Variants in JAKMIP1 observed in about 807,000 individuals in gnomAD.
JAKMIP1 encodes the protein janus kinase and microtubule-interacting protein 1.
Under a neutral mutation model 113.0 loss-of-function variants are expected in JAKMIP1, and 33 were observed. The observed-to-expected ratio is 0.29, with a 90% CI of 0.22 to 0.39. The LOEUF (loss-of-function observed/expected upper bound fraction) is 0.39. Among genes scored for constraint, JAKMIP1 ranks in the 10% least tolerant of loss-of-function variants. The pLI, the probability that JAKMIP1 is intolerant of heterozygous loss-of-function variation, is 1.00. For missense variants in JAKMIP1, 813 were observed against 1,080.5 expected, an observed-to-expected ratio of 0.75 and a Z score of 3.47; for synonymous variants, 480 against 459.9, an observed-to-expected ratio of 1.04 and a Z score of -0.56.
At chr4:6,058,773 T>A (rs71599872) in intron 11 of JAKMIP1, among the ~76,000 whole-genome samples, 37,260 of 152,216 alleles carry the variant, frequency 0.24, 6,272 homozygotes, top group African/African-American at 0.48. Context: ...TTTGTCTGAA[T>A]GCTAATTTTT....
rs1722421034 is a variant in JAKMIP1, at chr4:6,157,711, G to A, written c.-148+42542C>T. ...CTGTTTAAACTGGTGCCAGTTGTCT[G>A]TGGTTTCACATTCACTGAGCAGGTT... On this transcript the variant is annotated intron_variant, in intron 1 of 20. Coordinates refer to ENST00000409021, the MANE Select transcript of JAKMIP1 (RefSeq NM_001099433.2). This position sits in a 1 kb window ranked among gnomAD's most constrained non-coding sequence, Gnocchi z 4.7. Among the ~76,000 whole-genome samples the A allele has an allele frequency of 6.6e-6, 1 of 152,148 alleles. No homozygotes were observed. Among genetic ancestry groups the A allele is most frequent in the East Asian group, 1.9e-4 (1 of 5,190 alleles).
Position 6,042,214 on chromosome 4 carries a change from A to C in JAKMIP1, c.2042T>G (p.Ile681Arg). 6.2e-7 allele frequency: 1 copy of C among 1,613,576 alleles called. No homozygotes were observed. Among genetic ancestry groups the C allele is most frequent in the Non-Finnish European group, 8.5e-7 (1 of 1,179,792 alleles). The change falls in exon 17 of 21, where the codon ATA (isoleucine) becomes AGA (arginine). Residue 681 changes from isoleucine (I) to arginine (R), a missense_variant. Physicochemically the swap from Ile to Arg is moderately conservative, Grantham distance 97. This residue lies in a region of JAKMIP1 where 273 missense variants were observed against 426.6 expected (regional missense o/e 0.64). Coordinates refer to ENST00000409021, the MANE Select transcript of JAKMIP1 (RefSeq NM_001099433.2). This position sits in a 1 kb window ranked among gnomAD's most constrained non-coding sequence, Gnocchi z 5.2. The part of the protein sequence containing the change: ...LALCEKWLKQ[I>R]EGTEAALTQK... ...GGTCAGGGCGGCCTCGGTCCCCTCT[A>C]TTTGCTTCAGCCACTAGAAAACAGC...
intron 1 of JAKMIP1, among the ~76,000 whole-genome samples, chr4:6,161,484 T>G (rs1578423650): frequency 6.7e-6 from 1 of 148,910 alleles, no homozygotes; most frequent in African/African-American, 2.5e-5. Flanking sequence ...AACGGGGAGG[T>G]CCCCAAAGAC....
Position 6,080,422 on chromosome 4 carries a change from G to A in JAKMIP1, c.1102-110C>T. On this transcript the variant is annotated intron_variant, in intron 6 of 20. Coordinates refer to ENST00000409021, the MANE Select transcript of JAKMIP1 (RefSeq NM_001099433.2). This position sits in a 1 kb window ranked among gnomAD's most constrained non-coding sequence, Gnocchi z 6.0. ...GCAGGGACAGAAGGATGGATGGGAG[G>A]ATGAAAGAGATGATGGCCTGATATG... 1 of 1,259,332 alleles carries A rather than the reference G, an allele frequency of 7.9e-7. No homozygotes were observed. The highest frequency in any genetic ancestry group is 1.1e-6 in the Non-Finnish European group (1 of 908,254). The allele number at this position is 1,259,332 out of a possible 1,614,324, so 78.0% of individuals were successfully genotyped here. A position where few individuals can be genotyped will look rare whatever the true frequency, so the allele number is the denominator to read the frequency against.
rs1227033467 is a variant in JAKMIP1 at position 6,200,542 on chromosome 4, G to A, written c.-437C>T. ...CAGGCGGCCGGCGCGTGCCGCACGC[G>A]GGTGGCTGCAGCTCCCTCGGTCGCC... On this transcript the variant is annotated 5_prime_UTR_variant, in exon 1 of 21. Coordinates refer to ENST00000409021, the MANE Select transcript of JAKMIP1 (RefSeq NM_001099433.2). The surrounding 1 kb of genome is among the most constrained non-coding windows in gnomAD (Gnocchi z 7.0). 1 of 150,308 alleles carries A rather than the reference G, an allele frequency of 6.7e-6. No homozygotes were observed. Among genetic ancestry groups the A allele is most frequent in the Non-Finnish European group, 1.5e-5 (1 of 67,408 alleles). The allele number at this position is 150,308 out of a possible 1,614,324, so 9.3% of individuals were successfully genotyped here. A position where few individuals can be genotyped will look rare whatever the true frequency, so the allele number is the denominator to read the frequency against.
At chr4:6,164,372 A>T (rs1326900911) in intron 1 of JAKMIP1, among the ~76,000 whole-genome samples, 2 of 152,134 alleles carry the variant, frequency 1.3e-5, no homozygotes, top group African/African-American at 4.8e-5. Context: ...CACTGTTGAG[A>T]CCTACTGCTC....
chr4:6,085,567 C>A lies in JAKMIP1; in HGVS notation c.687G>T (p.Gln229His), dbSNP rs1721169575. ...ILALEKELGV[Q>H]AGQTQKLLLQ... is the part of the protein sequence containing the mutation. ...GAAGCAGCTTCTGGGTCTGCCCAGC[C>A]TGCACGCCAAGTTCCTTCTCCAAGG... Residue 229 changes from glutamine to histidine, a missense_variant, in exon 4 of 21, where the codon CAG becomes CAT. By Grantham distance (24) the Gln-to-His change is conservative (BLOSUM62 0). Around this residue, in one of 2 missense-constraint regions of JAKMIP1, gnomAD observed 540 missense variants for 653.9 expected, o/e 0.83. Transcript: ENST00000409021. 1 of 1,614,134 alleles carries A rather than the reference C, an allele frequency of 6.2e-7. No individual in the cohort carries two copies. The highest frequency in any genetic ancestry group is 1.7e-5 in the Admixed American group (1 of 60,016).
intron 3 of JAKMIP1, among the ~76,000 whole-genome samples, chr4:6,100,522 T>C (rs1377337138): frequency 6.6e-6 from 1 of 152,248 alleles, no homozygotes; most frequent in Non-Finnish European, 1.5e-5. Context: ...CGTTGACTAT[T>C]ATAATGCTAT....
intron 1 of JAKMIP1, among the ~76,000 whole-genome samples, chr4:6,198,795 C>T (rs1728115091): frequency 6.6e-6 from 1 of 152,218 alleles, no homozygotes; most frequent in Non-Finnish European, 1.5e-5. Flanking sequence ...TCCTCCTTGC[C>T]CATCCCAGCT....
At chr4:6,054,675 G>A (rs1024968408) in intron 12 of JAKMIP1, 3 of 454,192 alleles carry the variant, frequency 6.6e-6, no homozygotes, top group Non-Finnish European at 1.3e-5. Flanking sequence ...ATCAGTGTGG[G>A]AAGTGACACC....
At chr4:6,036,997 G>C (rs542823663) in intron 18 of JAKMIP1, among the ~76,000 whole-genome samples, 1 of 117,266 alleles carries the variant, frequency 8.5e-6, no homozygotes, top group South Asian at 2.4e-4. Flanking sequence ...CTCCATCACT[G>C]AGGCAGAGGT....
At chr4:6,173,887 C>T (rs1725031513) in intron 1 of JAKMIP1, among the ~76,000 whole-genome samples, 1 of 151,786 alleles carries the variant, frequency 6.6e-6, no homozygotes, top group South Asian at 2.1e-4. Context: ...ACCAGCCTGG[C>T]GAACATGGTG....
At chr4:6,101,903 TAA>T (rs34415235) in intron 3 of JAKMIP1, among the ~76,000 whole-genome samples, 32,458 of 132,328 alleles carry the variant, frequency 0.25, 3,984 homozygotes, top group Middle Eastern at 0.28. Flanking sequence ...AAGACTCAGT[TAA>T]AAAAAAAAAA....
chr4:6,035,948 G>T lies in JAKMIP1; in HGVS notation c.2335C>A (p.Gln779Lys). The T allele has an allele frequency of 6.4e-7, 1 of 1,551,374 alleles. No homozygotes were observed. Among genetic ancestry groups the T allele is most frequent in the South Asian group, 1.2e-5 (1 of 84,060 alleles). The change falls in exon 19 of 21, where the codon CAG becomes AAG. Residue 779 changes from glutamine (Q) to lysine (K), a missense_variant. By Grantham distance (53) the Gln-to-Lys change is moderately conservative. Coordinates refer to ENST00000409021, the MANE Select transcript of JAKMIP1 (RefSeq NM_001099433.2). ...AGCTCCATGCGCTCCCGCAGGATCT[G>T]GCTGTCGAACTCGCGGCTCTGCCTG... Reference protein sequence around the residue: ...ILRQSREFDSQILRERMELLQ... With the variant: ...ILRQSREFDSKILRERMELLQ...
At chr4:6,133,724 C>A (rs1174844549) in intron 1 of JAKMIP1, among the ~76,000 whole-genome samples, 1 of 152,206 alleles carries the variant, frequency 6.6e-6, no homozygotes, top group Non-Finnish European at 1.5e-5. Context: ...AAGTGTGTTC[C>A]CCACGGTGTC....
At position 6,137,699 on chromosome 4, in the gene JAKMIP1, T is replaced by C. The variant is rs571435545; in HGVS notation, c.-147-24702A>G. Among the ~76,000 whole-genome samples, 2 of 152,382 alleles carry C rather than the reference T, an allele frequency of 1.3e-5. No individual in the cohort carries two copies. The highest frequency in any genetic ancestry group is 4.8e-5 in the African/African-American group (2 of 41,602). On this transcript the variant is annotated intron_variant, in intron 1 of 20. Transcript: ENST00000409021. The surrounding 1 kb of genome is among the most constrained non-coding windows in gnomAD (Gnocchi z 4.5). ...ACAAACCATATCTCTGAGACTCCCT[T>C]GGAGCTAGGGCTCTGCACATCACTT...
At chr4:6,070,008 G>A (rs1376060701) in intron 8 of JAKMIP1, 3 of 398,390 alleles carry the variant, frequency 7.5e-6, no homozygotes, top group Admixed American at 8.8e-5. Context: ...GCCACAGCCA[G>A]GGACCGCCAG....
At chr4:6,151,679 G>C (rs753083816) in intron 1 of JAKMIP1, among the ~76,000 whole-genome samples, 2 of 152,192 alleles carry the variant, frequency 1.3e-5, no homozygotes, top group Non-Finnish European at 2.9e-5. Flanking sequence ...CCTGTCTGCT[G>C]TTCAAGTTCT....
intron 1 of JAKMIP1, among the ~76,000 whole-genome samples, chr4:6,198,113 T>C (rs567176686): frequency 1.8e-4 from 27 of 152,280 alleles, no homozygotes; most frequent in Non-Finnish European, 3.1e-4. Context: ...GTCCCCAGTC[T>C]CTAGTGGGCA....
Sources: gnomAD v4.1 joint callset for allele counts (sites outside exome capture counted in the v4.1 genomes callset) on GRCh38, gnomAD v4.1.1 for gene constraint, gnomAD v4.1.1 regional missense constraint, Gnocchi (gnomAD v3.1) non-coding constraint, MANE v1.5 for transcripts, NCBI Gene and HGNC (gene_info 2026-07-23, HGNC 2026-07-21) for gene names.